AXDND1: variants seen among roughly 807,000 people sequenced by gnomAD.
The protein encoded by AXDND1 is axonemal dynein light chain domain containing 1.
A neutral mutation model predicts 137.5 loss-of-function variants in AXDND1; 110 were observed. The ratio of observed to expected loss-of-function variants is 0.80; its 90% confidence interval spans 0.69 to 0.94. The LOEUF (loss-of-function observed/expected upper bound fraction) is 0.94, where lower values mean the gene tolerates loss of function less well. Ranked by LOEUF, AXDND1 falls within the 40% of genes least tolerant of loss-of-function variation. The pLI is 0.00. For synonymous variants in AXDND1, 414 were observed against 399.7 expected (o/e 1.04, Z -0.43); for missense variants, 1,191 against 1,169.8 (o/e 1.02, Z -0.26).
chr1:179,382,881 C>CA, intron 7 of AXDND1, 125 bp downstream of exon 7: 1 of 605,866 alleles, frequency 1.7e-6, no homozygotes, highest in Non-Finnish European at 2.8e-6. Context: ...TAATTGCCTA[C>CA]AAGTTCATCA....
chr1:179,427,176 A>G (rs1325314465), intron 12 of AXDND1, among the ~76,000 whole-genome samples: 2 of 76,370 alleles, frequency 2.6e-5, no homozygotes, highest in Non-Finnish European at 6.3e-5. Flanking sequence ...AACAAAAACA[A>G]GAACAAAAAC....
intron 11 of AXDND1, among the ~76,000 whole-genome samples, chr1:179,405,098 A>T (rs1290077447): frequency 1.3e-5 from 2 of 150,702 alleles, no homozygotes; most frequent in Non-Finnish European, 3.0e-5. Context: ...AACAGGCCTG[A>T]TGTGTGATGT....
intron 25 of AXDND1, among the ~76,000 whole-genome samples, chr1:179,539,306 A>G (rs753120044): frequency 1.3e-5 from 2 of 152,168 alleles, no homozygotes; most frequent in Non-Finnish European, 2.9e-5. Flanking sequence ...CCAATTTGGC[A>G]TGTTTTTGCA....
At chr1:179,485,726 G>A (rs1434629051) in intron 18 of AXDND1, among the ~76,000 whole-genome samples, 4 of 133,062 alleles carry the variant, frequency 3.0e-5, no homozygotes, top group African/African-American at 1.1e-4. Context: ...ATATGTATAG[G>A]AACAAAGATC....
At chr1:179,402,448 A>G (rs1652243008) in intron 11 of AXDND1, among the ~76,000 whole-genome samples, 1 of 151,816 alleles carries the variant, frequency 6.6e-6, no homozygotes, top group Non-Finnish European at 1.5e-5. Flanking sequence ...ACATCTATCC[A>G]CCCACCTGCA....
chr1:179,483,800 A>AT (rs1665710377), intron 18 of AXDND1, among the ~76,000 whole-genome samples: 1 of 152,178 alleles, frequency 6.6e-6, no homozygotes, highest in Non-Finnish European at 1.5e-5. Flanking sequence ...TGTGTAGAAA[A>AT]TTTGCAAGAT....
chr1:179,550,870 G>T (rs1673149582), intron 25 of AXDND1: 1 of 417,330 alleles, frequency 2.4e-6, no homozygotes, highest in Admixed American at 3.5e-5. Flanking sequence ...TCTGAACCAA[G>T]TTCCCAGAAG....
chr1:179,528,641 CTT>C (rs34531104), intron 23 of AXDND1, among the ~76,000 whole-genome samples: 5,564 of 115,178 alleles, frequency 0.048, 113 homozygotes, highest in Non-Finnish European at 0.07. Flanking sequence ...CTTTAAACCT[CTT>C]TTTTTTTTTT....
At chr1:179,536,344 G>A (rs1671558336) in intron 25 of AXDND1, among the ~76,000 whole-genome samples, 1 of 152,142 alleles carries the variant, frequency 6.6e-6, no homozygotes, top group Non-Finnish European at 1.5e-5. Context: ...TATGGTTTTA[G>A]GTCTTACATT....
chr1:179,548,135 C>T (rs1394091038), intron 25 of AXDND1, among the ~76,000 whole-genome samples: 1 of 152,136 alleles, frequency 6.6e-6, no homozygotes, highest in East Asian at 1.9e-4. Context: ...CACTACTGGC[C>T]ATCGGGGCTG....
chr1:179,387,476 C>A (rs181141319), intron 9 of AXDND1, among the ~76,000 whole-genome samples: 1 of 152,216 alleles, frequency 6.6e-6, no homozygotes, highest in African/African-American at 2.4e-5. Context: ...AGGTCCACCT[C>A]TTAATACTGT....
chr1:179,382,471 G>A lies in AXDND1; in HGVS notation c.582-229G>A, dbSNP rs4625243. On this transcript the variant is annotated intron_variant, in intron 6 of 25. Transcript: ENST00000367618. Reference sequence around the variant, plus strand: ...CTCTTGTGTTCTTTGGCCATGTCCCGATGATTATTTGAACACTTATTTTCT... The same window carrying A: ...CTCTTGTGTTCTTTGGCCATGTCCCAATGATTATTTGAACACTTATTTTCT... 9.9e-5 allele frequency among the ~76,000 whole-genome samples: 15 copies of A among 152,016 alleles called. 1 individual carries two copies. The highest frequency in any genetic ancestry group is 4.6e-4 in the Admixed American group (7 of 15,268).
intron 20 of AXDND1, among the ~76,000 whole-genome samples, chr1:179,501,093 T>C (rs564220665): frequency 6.6e-6 from 1 of 152,334 alleles, no homozygotes; most frequent in South Asian, 2.1e-4. Flanking sequence ...ATTTCTATTA[T>C]TATGGAAAGT....
intron 25 of AXDND1, among the ~76,000 whole-genome samples, chr1:179,547,317 T>C (rs1231210756): frequency 6.6e-6 from 1 of 152,206 alleles, no homozygotes; most frequent in Non-Finnish European, 1.5e-5. Context: ...TTTCCATCAC[T>C]GCCTCAGAAA....
Position 179,423,260 on chromosome 1 carries a change from G to A in AXDND1, c.1231-6258G>A, listed in dbSNP as rs543016241. 3.3e-5 allele frequency among the ~76,000 whole-genome samples: 5 copies of A among 151,124 alleles called. No homozygotes were observed. The South Asian group carries it at 1.0e-3, about 32-fold the overall frequency. On this transcript the variant is annotated intron_variant, in intron 12 of 25. Transcript: ENST00000367618. ...ATCTGATATAAATATAGCTACTCCT[G>A]CTCTCTTTTGGTTTCCAATTGCATG...
rs548490268 is a variant in AXDND1, at chr1:179,548,099, C to G, written c.3032-6413C>G. Among the ~76,000 whole-genome samples the G allele has an allele frequency of 4.4e-3, 675 of 152,274 alleles. 4 individuals carry two copies. Among genetic ancestry groups the G allele is most frequent in the Admixed American group, 7.4e-3 (113 of 15,290 alleles). On this transcript the variant is annotated intron_variant, in intron 25 of 25. Transcript: ENST00000367618. ...GTGCAAGTTTTAAAGCTGGTTCTGT[C>G]CTAGAACAACCACCCTGGGAGCAGG...
At chr1:179,527,036 G>A (rs544057573) in intron 22 of AXDND1, among the ~76,000 whole-genome samples, 3 of 152,200 alleles carry the variant, frequency 2.0e-5, no homozygotes, top group South Asian at 2.1e-4. Flanking sequence ...AATTCAGAGC[G>A]AGTTTGCAGT....
intron 20 of AXDND1, chr1:179,506,792 C>T (rs549198441): frequency 1.2e-4 from 106 of 912,116 alleles, no homozygotes; most frequent in Admixed American, 4.3e-4. Context: ...TGTAGTCTGC[C>T]ATCCACCTTG....
At chr1:179,407,071 G>A (rs1457033774) in intron 11 of AXDND1, among the ~76,000 whole-genome samples, 6 of 151,954 alleles carry the variant, frequency 3.9e-5, no homozygotes, top group Non-Finnish European at 8.8e-5. Context: ...GGTAGATATT[G>A]TCATTTTGTT....
Sources: allele counts gnomAD v4.1 joint callset (sites outside exome capture counted in the v4.1 genomes callset), GRCh38; gene constraint gnomAD v4.1.1; transcripts MANE v1.5; gene names NCBI Gene and HGNC (gene_info 2026-07-23, HGNC 2026-07-21).